Variants in SLIT2 observed in about 807,000 individuals in gnomAD.
SLIT2 encodes the protein slit homolog 2 protein.
In SLIT2, 41 loss-of-function variants were observed where a neutral mutation model predicts 185.7. That is an observed-to-expected ratio of 0.22 (90% CI 0.17 to 0.29). SLIT2 has a LOEUF of 0.29. Among genes scored for constraint, SLIT2 ranks in the 10% least tolerant of loss-of-function variants. The pLI, the probability that SLIT2 is intolerant of heterozygous loss-of-function variation, is 1.00. For missense variants in SLIT2, 1,571 were observed against 1,909.0 expected, an observed-to-expected ratio of 0.82 and a Z score of 3.30; for synonymous variants, 693 against 680.2, an observed-to-expected ratio of 1.02 and a Z score of -0.29.
At chr4:20,497,777 A>G (rs554375309) in intron 9 of SLIT2, among the ~76,000 whole-genome samples, 73 of 152,150 alleles carry the variant, frequency 4.8e-4, no homozygotes, top group Non-Finnish European at 7.3e-4. Flanking sequence ...AATACTTAGC[A>G]TACCATGGGT....
At chr4:20,541,805 C>A (rs546701872) in intron 20 of SLIT2, among the ~76,000 whole-genome samples, 186 bp downstream of exon 20, 1 of 152,310 alleles carries the variant, frequency 6.6e-6, no homozygotes, top group East Asian at 1.9e-4. Flanking sequence ...ACATTTGAGT[C>A]TACTTGATGT....
chr4:20,515,786 A>AT (rs1447393689), intron 11 of SLIT2, among the ~76,000 whole-genome samples: 1 of 151,870 alleles, frequency 6.6e-6, no homozygotes, highest in East Asian at 1.9e-4. Flanking sequence ...TGTTTTGGAC[A>AT]TTTTTTTTCT....
intron 4 of SLIT2, among the ~76,000 whole-genome samples, chr4:20,286,869 T>C (rs1715321842): frequency 6.6e-6 from 1 of 152,094 alleles, no homozygotes; most frequent in Admixed American, 6.5e-5. Flanking sequence ...GGCACAGCAG[T>C]TTAGATTTAA....
chr4:20,550,312 A>G (rs965407829), intron 24 of SLIT2, among the ~76,000 whole-genome samples: 2 of 151,056 alleles, frequency 1.3e-5, no homozygotes, highest in African/African-American at 4.9e-5. Flanking sequence ...GGTACTTTAT[A>G]TTTTCCTTAT....
At chr4:20,351,215 A>C (rs1050034152) in intron 4 of SLIT2, among the ~76,000 whole-genome samples, 3 of 151,728 alleles carry the variant, frequency 2.0e-5, no homozygotes, top group Non-Finnish European at 4.4e-5. Flanking sequence ...CGACTGTCTA[A>C]TTTTTGTATT....
intron 4 of SLIT2, among the ~76,000 whole-genome samples, chr4:20,359,330 T>A (rs1331053698): frequency 6.6e-6 from 1 of 152,032 alleles, no homozygotes; most frequent in East Asian, 1.9e-4. Flanking sequence ...ATGGTGTGTT[T>A]TGGTGTGTAG....
At chr4:20,296,605 G>C (rs1716511212) in intron 4 of SLIT2, among the ~76,000 whole-genome samples, 1 of 152,146 alleles carries the variant, frequency 6.6e-6, no homozygotes, top group South Asian at 2.1e-4. Flanking sequence ...GCCTCAGGAA[G>C]TAACCACCTT....
chr4:20,322,158 G>A (rs1365996846), intron 4 of SLIT2, among the ~76,000 whole-genome samples: 1 of 152,104 alleles, frequency 6.6e-6, no homozygotes, highest in Non-Finnish European at 1.5e-5. Flanking sequence ...TTTCATATGT[G>A]AACCTCCAAA....
intron 4 of SLIT2, among the ~76,000 whole-genome samples, chr4:20,423,716 A>G (rs1404943482): frequency 6.6e-6 from 1 of 152,094 alleles, no homozygotes; most frequent in African/African-American, 2.4e-5. Flanking sequence ...ACGGAATCAA[A>G]TATTGAAGGT....
Position 20,541,458 on chromosome 4 carries a change from T to G in SLIT2, c.1982T>G (p.Leu661Arg). Residue 661 changes from leucine to arginine, a missense_variant, in exon 20 of 37, where the codon CTC (leucine) becomes CGC (arginine). Coordinates refer to ENST00000504154, the MANE Select transcript of SLIT2 (RefSeq NM_004787.4). The stretch of plus-strand genomic sequence containing the variant: ...CGTTTGCCTGTGGCTCTTAGAAACC[T>G]CTTGGCCAATCCTTTTAACTGTAAC... ...DTLHSLSTLN[L>R]LANPFNCNCY... 6.2e-7 allele frequency: 1 copy of G among 1,613,888 alleles called. No individual in the cohort carries two copies. Among genetic ancestry groups the G allele is most frequent in the Non-Finnish European group, 8.5e-7 (1 of 1,179,870 alleles).
At chr4:20,305,321 C>G (rs1194412802) in intron 4 of SLIT2, among the ~76,000 whole-genome samples, 2 of 152,062 alleles carry the variant, frequency 1.3e-5, no homozygotes, top group Non-Finnish European at 2.9e-5. Flanking sequence ...ATGGAGACGG[C>G]TAGATCACAA....
chr4:20,615,545 T>A (rs982073871), intron 34 of SLIT2: 1 of 152,238 alleles, frequency 6.6e-6, no homozygotes, highest in Non-Finnish European at 1.5e-5. Flanking sequence ...CTGGTCCATA[T>A]GCTCATGGTG....
At chr4:20,286,828 C>A (rs552847326) in intron 4 of SLIT2, among the ~76,000 whole-genome samples, 26 of 152,128 alleles carry the variant, frequency 1.7e-4, no homozygotes, top group Non-Finnish European at 3.5e-4. Context: ...GCTAAGATCA[C>A]GTCCCTTGCC....
intron 33 of SLIT2, among the ~76,000 whole-genome samples, chr4:20,600,640 G>A (rs1040146339): frequency 2.0e-5 from 3 of 151,732 alleles, no homozygotes; most frequent in Non-Finnish European, 2.9e-5. Context: ...TAGCCAGGAT[G>A]GACTCGATCT....
intron 4 of SLIT2, among the ~76,000 whole-genome samples, chr4:20,329,781 G>T (rs1560322649): frequency 6.6e-6 from 1 of 151,998 alleles, no homozygotes; most frequent in Non-Finnish European, 1.5e-5. Flanking sequence ...TAATCAGACA[G>T]GTTCTAATAA....
chr4:20,479,060 T>G (rs1716423778), intron 5 of SLIT2, among the ~76,000 whole-genome samples: 1 of 152,206 alleles, frequency 6.6e-6, no homozygotes, highest in South Asian at 2.1e-4. Flanking sequence ...GGGGAAAACT[T>G]TAGTTTTATA....
At chr4:20,575,710 C>A (rs1226788855) in intron 29 of SLIT2, among the ~76,000 whole-genome samples, 1 of 152,110 alleles carries the variant, frequency 6.6e-6, no homozygotes, top group Non-Finnish European at 1.5e-5. Context: ...CCTGCTGTCT[C>A]TTCAGCTCGC....
At chr4:20,608,481 A>G (rs150728962) in intron 33 of SLIT2, among the ~76,000 whole-genome samples, 309 of 152,200 alleles carry the variant, frequency 2.0e-3, no homozygotes, top group African/African-American at 7.1e-3. Flanking sequence ...ATTGATGTTA[A>G]GTGTTAGGAT....
At chr4:20,614,116 A>T (rs375744398) in intron 34 of SLIT2, among the ~76,000 whole-genome samples, 12 of 151,896 alleles carry the variant, frequency 7.9e-5, no homozygotes, top group African/African-American at 2.4e-4. Flanking sequence ...CATGTGATCC[A>T]CCCACCTCGG....
Sources: allele counts gnomAD v4.1 joint callset (sites outside exome capture counted in the v4.1 genomes callset), GRCh38; gene constraint gnomAD v4.1.1; transcripts MANE v1.5; gene names NCBI Gene and HGNC (gene_info 2026-07-23, HGNC 2026-07-21).